NDUFA8: variants seen among roughly 807,000 people sequenced by gnomAD.
NDUFA8 encodes the protein NADH dehydrogenase [ubiquinone] 1 alpha subcomplex subunit 8.
A neutral mutation model predicts 20.9 loss-of-function variants in NDUFA8; 16 were observed. The ratio of observed to expected loss-of-function variants is 0.77; its 90% confidence interval spans 0.52 to 1.16. The LOEUF (loss-of-function observed/expected upper bound fraction) is 1.16. NDUFA8 is among the 50% of genes most tolerant of loss of function. NDUFA8 has a pLI of 0.00. For synonymous variants in NDUFA8, 70 were observed against 76.1 expected (o/e 0.92, Z 0.41); for missense variants, 202 against 216.4 (o/e 0.93, Z 0.42).
intron 3 of NDUFA8, 96 bp from the exon 4 acceptor site, chr9:122,144,474 G>A (rs1411103922): frequency 2.8e-5 from 33 of 1,161,700 alleles, no homozygotes; most frequent in East Asian, 4.7e-5. Flanking sequence ...CATTGCTCCC[G>A]CTGCTACAAC....
intron 1 of NDUFA8, among the ~76,000 whole-genome samples, chr9:122,152,696 C>T (rs1300554609): frequency 6.6e-6 from 1 of 151,996 alleles, no homozygotes; most frequent in Admixed American, 6.6e-5. Flanking sequence ...GCTGGGATTA[C>T]AGGCATAAGC....
intron 2 of NDUFA8, among the ~76,000 whole-genome samples, chr9:122,148,816 G>A (rs11792649): frequency 0.025 from 3,792 of 152,118 alleles, 63 homozygotes; most frequent in South Asian, 0.036. Context: ...TTTTATTTAC[G>A]CATTGAACAA....
chr9:122,149,876 G>C (rs904388891), intron 2 of NDUFA8, among the ~76,000 whole-genome samples: 1 of 152,162 alleles, frequency 6.6e-6, no homozygotes, highest in Admixed American at 6.5e-5. Flanking sequence ...AGAATCGCTT[G>C]AACCCAGGAG....
At chr9:122,142,535 AAGAAT>A (rs1025173344), downstream of NDUFA8, among the ~76,000 whole-genome samples, 3 of 152,206 alleles carry the variant, frequency 2.0e-5, no homozygotes, top group South Asian at 2.1e-4. Flanking sequence ...CATGGCTTTG[AAGAAT>A]AGGAGTGTGG....
chr9:122,159,366 C>T (rs965126759), intron 1 of NDUFA8, among the ~76,000 whole-genome samples: 1 of 152,140 alleles, frequency 6.6e-6, no homozygotes, highest in African/African-American at 2.4e-5. Flanking sequence ...CACTATTATT[C>T]ACGGAAGGAG....
chr9:122,155,555 CATG>C (rs1301087392), intron 1 of NDUFA8, among the ~76,000 whole-genome samples: 1 of 152,088 alleles, frequency 6.6e-6, no homozygotes, highest in African/African-American at 2.4e-5. Flanking sequence ...TGAAATCTGC[CATG>C]ATGACTCTAA....
At chr9:122,146,850 C>T (rs73551342) in intron 3 of NDUFA8, among the ~76,000 whole-genome samples, 1 of 152,290 alleles carries the variant, frequency 6.6e-6, no homozygotes, top group East Asian at 1.9e-4. Context: ...GAGCTGTGAT[C>T]GCACCACTGC....
At chr9:122,150,239 T>C (rs1828972007) in intron 2 of NDUFA8, among the ~76,000 whole-genome samples, 1 of 150,920 alleles carries the variant, frequency 6.6e-6, no homozygotes, top group African/African-American at 2.4e-5. Context: ...TGAAACCCCG[T>C]CTCTACTAAA....
chr9:122,159,558 G>T, intron 1 of NDUFA8, 69 bp downstream of exon 1: 4 of 1,589,178 alleles, frequency 2.5e-6, no homozygotes, highest in Non-Finnish European at 2.6e-6. Context: ...GGAGCCCAAG[G>T]GGGGCTAGGC....
At chr9:122,136,985 C>T in the NDUFA8 span, among the ~76,000 whole-genome samples, 1 of 152,174 alleles carries the variant, frequency 6.6e-6, no homozygotes, top group Non-Finnish European at 1.5e-5. Context: ...AAGCACTGCT[C>T]CCCACTCTTG....
downstream of NDUFA8, among the ~76,000 whole-genome samples, chr9:122,142,593 A>C (rs1296816432): frequency 6.6e-6 from 1 of 152,170 alleles, no homozygotes; most frequent in Non-Finnish European, 1.5e-5. Flanking sequence ...TGTATCTACC[A>C]CTTCTTATAT....
the NDUFA8 span, among the ~76,000 whole-genome samples, chr9:122,134,600 A>T: frequency 6.6e-6 from 1 of 152,148 alleles, no homozygotes; most frequent in South Asian, 2.1e-4. Context: ...CTCTGAGCCC[A>T]TCCTCTCTAA....
intron 1 of NDUFA8, among the ~76,000 whole-genome samples, chr9:122,158,249 C>T (rs77567927): frequency 6.6e-6 from 1 of 152,164 alleles, no homozygotes; most frequent in Admixed American, 6.5e-5. Context: ...TTTAATATAG[C>T]CTGTTCTACT....
chr9:122,157,941 C>G (rs1297021507), intron 1 of NDUFA8, among the ~76,000 whole-genome samples: 3 of 152,234 alleles, frequency 2.0e-5, no homozygotes, highest in South Asian at 4.1e-4. Context: ...ATTACGAGGT[C>G]AGGAGATCGA....
downstream of NDUFA8, among the ~76,000 whole-genome samples, chr9:122,141,332 A>G (rs1296616737): frequency 6.6e-6 from 1 of 152,138 alleles, no homozygotes; most frequent in Non-Finnish European, 1.5e-5. Context: ...TGGACTGGAG[A>G]GGGAGATGGC....
the NDUFA8 span, among the ~76,000 whole-genome samples, chr9:122,134,917 C>A: frequency 6.6e-6 from 1 of 152,246 alleles, no homozygotes; most frequent in Admixed American, 6.5e-5. Context: ...CTGCTGACGT[C>A]ACCAGCAGGC....
intron 1 of NDUFA8, among the ~76,000 whole-genome samples, chr9:122,158,756 GTA>G (rs796250845): frequency 1.4e-5 from 2 of 143,004 alleles, no homozygotes; most frequent in African/African-American, 2.6e-5. Flanking sequence ...TATATATATG[GTA>G]TATATATATA....
At chr9:122,158,669 A>G (rs867594201) in intron 1 of NDUFA8, among the ~76,000 whole-genome samples, 28 of 151,260 alleles carry the variant, frequency 1.9e-4, no homozygotes, top group Middle Eastern at 6.4e-3. Context: ...GTGTGTGTAT[A>G]TATATATATA....
intron 3 of NDUFA8, among the ~76,000 whole-genome samples, chr9:122,146,497 CA>C (rs1402373074): frequency 6.6e-6 from 1 of 152,074 alleles, no homozygotes; most frequent in Non-Finnish European, 1.5e-5. Flanking sequence ...TTCAGTACAT[CA>C]AAAAGTATCT....
Sources: allele counts gnomAD v4.1 joint callset (sites outside exome capture counted in the v4.1 genomes callset), GRCh38; gene constraint gnomAD v4.1.1; transcripts MANE v1.5; gene names NCBI Gene and HGNC (gene_info 2026-07-23, HGNC 2026-07-21).